The following SPATA16 variants were observed in gnomAD, a reference collection of about 807,000 sequenced individuals.
SPATA16 encodes spermatogenesis-associated protein 16.
A neutral mutation model predicts 63.3 loss-of-function variants in SPATA16; 36 were observed. The observed-to-expected ratio is 0.57, with a 90% CI of 0.44 to 0.75. The LOEUF is 0.75. Ranked by LOEUF, SPATA16 falls within the 30% of genes least tolerant of loss-of-function variation. The pLI is 0.00. For missense variants in SPATA16, 646 were observed against 679.3 expected (o/e 0.95, Z 0.54); for synonymous variants, 203 against 216.7 (o/e 0.94, Z 0.56).
At chr3:173,116,141 C>T (rs1040035656) in intron 2 of SPATA16, among the ~76,000 whole-genome samples, 2 of 152,150 alleles carry the variant, frequency 1.3e-5, no homozygotes, top group Admixed American at 1.3e-4. Flanking sequence ...ATCCTTTCAC[C>T]TTGGCTTCCC....
intron 3 of SPATA16, among the ~76,000 whole-genome samples, chr3:173,047,193 C>T (rs553807435): frequency 1.1e-4 from 16 of 150,490 alleles, no homozygotes; most frequent in Non-Finnish European, 1.8e-4. Context: ...TTTGATCTTT[C>T]GTTCTCATTA....
intron 1 of SPATA16, among the ~76,000 whole-genome samples, chr3:173,129,276 A>G (rs1334158214): frequency 6.6e-6 from 1 of 152,238 alleles, no homozygotes; most frequent in Non-Finnish European, 1.5e-5. Context: ...AAGACAGGAC[A>G]TGAATTTTGG....
At chr3:172,988,464 C>G (rs1403533489) in intron 4 of SPATA16, among the ~76,000 whole-genome samples, 1 of 152,160 alleles carries the variant, frequency 6.6e-6, no homozygotes, top group Non-Finnish European at 1.5e-5. Context: ...CTAGGCGCCT[C>G]CTCAATATGC....
intron 2 of SPATA16, among the ~76,000 whole-genome samples, chr3:173,112,411 T>C (rs1201809979): frequency 3.3e-5 from 5 of 152,274 alleles, no homozygotes; most frequent in South Asian, 2.1e-4. Flanking sequence ...TAGAATTTTG[T>C]ATTTCCAACC....
intron 2 of SPATA16, among the ~76,000 whole-genome samples, chr3:173,061,424 C>G (rs1736375539): frequency 6.6e-6 from 1 of 152,154 alleles, no homozygotes; most frequent in South Asian, 2.1e-4. Context: ...AGAAATTTCA[C>G]TTGGTGCTTC....
intron 6 of SPATA16, among the ~76,000 whole-genome samples, chr3:172,953,669 G>A (rs1026284616): frequency 5.3e-5 from 8 of 152,184 alleles, no homozygotes; most frequent in East Asian, 3.9e-4. Context: ...AGCACCAGCC[G>A]TCTGATAAGC....
chr3:173,014,876 A>G (rs1365949835), intron 4 of SPATA16, among the ~76,000 whole-genome samples: 2 of 152,058 alleles, frequency 1.3e-5, no homozygotes, highest in South Asian at 4.1e-4. Context: ...GATTAATTTT[A>G]TGGTCACTTT....
At chr3:172,984,743 T>C (rs896835440) in intron 4 of SPATA16, among the ~76,000 whole-genome samples, 1 of 152,152 alleles carries the variant, frequency 6.6e-6, no homozygotes, top group Non-Finnish European at 1.5e-5. Context: ...GATGGGAATT[T>C]TTCTTGAGGT....
At chr3:173,066,814 G>T (rs1311968016) in intron 2 of SPATA16, among the ~76,000 whole-genome samples, 1 of 151,988 alleles carries the variant, frequency 6.6e-6, no homozygotes, top group Non-Finnish European at 1.5e-5. Flanking sequence ...CTCATCAAAT[G>T]GTCTAAATAA....
Position 173,137,868 on chromosome 3 carries a change from CACACAG to C in SPATA16, c.-19+3229_-19+3234del, listed in dbSNP as rs1451224123. Among the ~76,000 whole-genome samples the C allele has an allele frequency of 2.5e-3, 364 of 148,500 alleles. 3 individuals carry two copies. The highest frequency in any genetic ancestry group is 3.9e-3 in the Non-Finnish European group (262 of 67,322). On this transcript the variant is annotated intron_variant, in intron 1 of 10. Transcript: ENST00000351008. Reference sequence around the variant, plus strand: ...ACACACACACACACACACACACACACACACAGACACACACACGTCTCCCTAAAGAAG... The same window carrying C: ...ACACACACACACACACACACACACACACACACACACGTCTCCCTAAAGAAG...
Position 173,093,040 on chromosome 3 carries a change from AACACACACAC to A in SPATA16, c.612+24070_612+24079del, listed in dbSNP as rs57114377. On this transcript the variant is annotated intron_variant, in intron 2 of 10. Transcript: ENST00000351008. Reference sequence around the variant, plus strand: ...TTTATTGTAATTTTTATGCACCTAAAACACACACACACACACACACACACACACACACACA... The same window carrying A: ...TTTATTGTAATTTTTATGCACCTAAAACACACACACACACACACACACACA... Among the ~76,000 whole-genome samples, 130 of 142,630 alleles carry A rather than the reference AACACACACAC, an allele frequency of 9.1e-4. 1 individual carries two copies. The highest frequency in any genetic ancestry group is 2.7e-3 in the East Asian group (13 of 4,802). 93.6% of individuals were successfully genotyped at this position (142,630 alleles called of 152,430 possible). A position where few individuals can be genotyped will look rare whatever the true frequency, so the allele number is the denominator to read the frequency against.
intron 3 of SPATA16, among the ~76,000 whole-genome samples, chr3:173,037,425 A>G (rs1345496637): frequency 2.6e-5 from 4 of 152,112 alleles, no homozygotes; most frequent in Admixed American, 2.0e-4. Context: ...AGAGTGAAGT[A>G]TATATTTCTT....
At chr3:173,003,536 C>T (rs1734874175) in intron 4 of SPATA16, among the ~76,000 whole-genome samples, 1 of 152,150 alleles carries the variant, frequency 6.6e-6, no homozygotes, top group South Asian at 2.1e-4. Context: ...AGTTTGCTCA[C>T]CTACCAAATG....
chr3:173,122,790 T>C (rs1560131033), intron 1 of SPATA16, among the ~76,000 whole-genome samples: 1 of 152,152 alleles, frequency 6.6e-6, no homozygotes, highest in Non-Finnish European at 1.5e-5. Context: ...AGAGGAGATG[T>C]TGTTTTACTA....
chr3:173,108,131 A>G (rs1452107950), intron 2 of SPATA16, among the ~76,000 whole-genome samples: 3 of 152,116 alleles, frequency 2.0e-5, no homozygotes, highest in Admixed American at 1.3e-4. Flanking sequence ...TCAGCTTCCT[A>G]TGGATTAATT....
Position 172,957,645 on chromosome 3 carries a change from A to G in SPATA16, c.934-821T>C, listed in dbSNP as rs372031572. On this transcript the variant is annotated intron_variant, in intron 5 of 10. Transcript: ENST00000351008. ...GTTTTTTAATATGGCATAAAAGCATATTATAAAACAATCCATTTTTATTTA... is the reference window on the plus strand; with the variant it reads ...GTTTTTTAATATGGCATAAAAGCATGTTATAAAACAATCCATTTTTATTTA... Among the ~76,000 whole-genome samples the G allele has an allele frequency of 1.1e-4, 17 of 152,350 alleles. 3 individuals carry two copies. Among genetic ancestry groups the G allele is most frequent in the Admixed American group, 3.3e-4 (5 of 15,296 alleles).
intron 2 of SPATA16, among the ~76,000 whole-genome samples, chr3:173,053,510 AG>A (rs1736148708): frequency 1.3e-5 from 2 of 152,226 alleles, no homozygotes; most frequent in South Asian, 4.1e-4. Context: ...TGTGCACAAA[AG>A]GATTTCAAGA....
intron 6 of SPATA16, among the ~76,000 whole-genome samples, chr3:172,940,301 A>G (rs1733115058): frequency 6.6e-6 from 1 of 152,218 alleles, no homozygotes; most frequent in South Asian, 2.1e-4. Flanking sequence ...CAGTTTTGTC[A>G]TACTGAAGCC....
Position 172,935,990 on chromosome 3 carries a change from A to G in SPATA16, c.1082-10498T>C, listed in dbSNP as rs772620150. Among the ~76,000 whole-genome samples, 3 of 152,198 alleles carry G rather than the reference A, an allele frequency of 2.0e-5. No individual in the cohort carries two copies. In the East Asian group the frequency reaches 5.8e-4, roughly 29 times the overall value. On this transcript the variant is annotated intron_variant, in intron 6 of 10. Coordinates refer to ENST00000351008, the MANE Select transcript of SPATA16 (RefSeq NM_031955.6). ...TCTCACAGATCAAGCCCCACTGAAT[A>G]ATGGCTTACATCTTACACATAAGAG...
Sources: gnomAD v4.1 joint callset for allele counts (sites outside exome capture counted in the v4.1 genomes callset) on GRCh38, gnomAD v4.1.1 for gene constraint, MANE v1.5 for transcripts, NCBI Gene and HGNC (gene_info 2026-07-23, HGNC 2026-07-21) for gene names.